PLCB1: variants seen among roughly 807,000 people sequenced by gnomAD.
PLCB1 encodes the protein 1-phosphatidylinositol 4,5-bisphosphate phosphodiesterase beta-1.
A neutral mutation model predicts 161.8 loss-of-function variants in PLCB1; 46 were observed. That is an observed-to-expected ratio of 0.28 (90% CI 0.22 to 0.36). PLCB1 has a LOEUF of 0.36. PLCB1 is among the 10% of genes least tolerant of loss of function. The pLI, the probability that PLCB1 is intolerant of heterozygous loss-of-function variation, is 1.00. For missense variants in PLCB1, 1,016 were observed against 1,472.5 expected (o/e 0.69, Z 5.07); for synonymous variants, 517 against 503.7 (o/e 1.03, Z -0.35).
At chr20:8,770,812 T>A (rs1285943362) in intron 26 of PLCB1, among the ~76,000 whole-genome samples, 1 of 152,234 alleles carries the variant, frequency 6.6e-6, no homozygotes, top group Non-Finnish European at 1.5e-5. Context: ...TTGAATAGAA[T>A]GGGAGGCAGG....
rs531072869 is a variant in PLCB1 at position 8,140,110 on chromosome 20, C to T, written c.99+7360C>T. Reference sequence around the variant, plus strand: ...GCAGCTTACACTTCTTTGGCTTCAACAAAGCTGGTGTTTTGTTTGGACCCC... The same window carrying T: ...GCAGCTTACACTTCTTTGGCTTCAATAAAGCTGGTGTTTTGTTTGGACCCC... On this transcript the variant is annotated intron_variant, in intron 1 of 31. Transcript: ENST00000338037. Among the ~76,000 whole-genome samples the T allele has an allele frequency of 3.9e-5, 6 of 152,254 alleles. No homozygotes were observed. In the East Asian group the frequency reaches 1.2e-3, roughly 29 times the overall value.
intron 23 of PLCB1, among the ~76,000 whole-genome samples, chr20:8,753,966 T>C (rs1444455997): frequency 6.6e-6 from 1 of 152,194 alleles, no homozygotes; most frequent in African/African-American, 2.4e-5. Flanking sequence ...CCTTAGGGGT[T>C]GTGTCCCAAG....
intron 3 of PLCB1, among the ~76,000 whole-genome samples, chr20:8,410,478 C>A (rs1172438346): frequency 6.6e-6 from 1 of 151,728 alleles, no homozygotes; most frequent in Non-Finnish European, 1.5e-5. Context: ...CATGGTAACA[C>A]CTAATAAACG....
intron 23 of PLCB1, among the ~76,000 whole-genome samples, chr20:8,752,862 T>C (rs535861082): frequency 6.6e-6 from 1 of 151,766 alleles, no homozygotes; most frequent in South Asian, 2.1e-4. Context: ...GTATATGTTA[T>C]AGAATCTTAC....
chr20:8,443,780 C>A (rs190705908), intron 3 of PLCB1, among the ~76,000 whole-genome samples: 28 of 152,340 alleles, frequency 1.8e-4, no homozygotes, highest in African/African-American at 6.3e-4. Context: ...CAGCTCCCAA[C>A]AGGCAACCTC....
chr20:8,355,830 G>T (rs1986347383), intron 2 of PLCB1, among the ~76,000 whole-genome samples: 1 of 152,016 alleles, frequency 6.6e-6, no homozygotes, highest in Admixed American at 6.6e-5. Context: ...CACCTTAAAT[G>T]GTTTAATAAT....
chr20:8,422,422 C>T (rs950618883), intron 3 of PLCB1, among the ~76,000 whole-genome samples: 2 of 152,140 alleles, frequency 1.3e-5, no homozygotes, highest in African/African-American at 4.8e-5. Context: ...GCAACTAAAA[C>T]GTATACAGTT....
At chr20:8,201,076 T>A (rs1341635328) in intron 2 of PLCB1, among the ~76,000 whole-genome samples, 3 of 152,146 alleles carry the variant, frequency 2.0e-5, no homozygotes, top group African/African-American at 7.2e-5. Context: ...CTAGGATTAT[T>A]ATTTCTCAGA....
rs181190070 is a variant in PLCB1, at chr20:8,771,901, C to T, written c.2931-2638C>T. On this transcript the variant is annotated intron_variant, in intron 26 of 31. Coordinates refer to ENST00000338037, the MANE Select transcript of PLCB1 (RefSeq NM_015192.4). ...CGTTCCTTCCTTCCTTCCTTCCTTTCGACAGGGTCTTGCTCTTTTGCTCAG... is the reference window on the plus strand; with the variant it reads ...CGTTCCTTCCTTCCTTCCTTCCTTTTGACAGGGTCTTGCTCTTTTGCTCAG... 2.3e-3 allele frequency among the ~76,000 whole-genome samples: 352 copies of T among 151,944 alleles called. 2 individuals carry two copies. Among genetic ancestry groups the T allele is most frequent in the Admixed American group, 0.02 (300 of 15,220 alleles).
intron 31 of PLCB1, among the ~76,000 whole-genome samples, chr20:8,800,860 A>G (rs1984249015): frequency 1.3e-5 from 2 of 152,204 alleles, no homozygotes; most frequent in African/African-American, 2.4e-5. Flanking sequence ...AGACATCTTT[A>G]TAATTGTTGA....
chr20:8,191,085 C>G (rs529625306), intron 2 of PLCB1, among the ~76,000 whole-genome samples: 3 of 152,000 alleles, frequency 2.0e-5, no homozygotes, highest in East Asian at 3.9e-4. Flanking sequence ...AGCTGAATAC[C>G]TTTATGGTTT....
intron 4 of PLCB1, among the ~76,000 whole-genome samples, chr20:8,638,416 G>T (rs1327360634): frequency 2.0e-5 from 3 of 151,816 alleles, no homozygotes; most frequent in Non-Finnish European, 4.4e-5. Context: ...GGTGAGAGAT[G>T]GAATCAGAGA....
intron 2 of PLCB1, among the ~76,000 whole-genome samples, chr20:8,364,538 T>C (rs1986649901): frequency 6.6e-6 from 1 of 152,214 alleles, no homozygotes; most frequent in Non-Finnish European, 1.5e-5. Flanking sequence ...GTTTTCTGGG[T>C]AAAGATGAGT....
intron 2 of PLCB1, among the ~76,000 whole-genome samples, chr20:8,294,564 CTATATG>C (rs901828917): frequency 6.6e-6 from 1 of 151,272 alleles, no homozygotes; most frequent in African/African-American, 2.4e-5. Flanking sequence ...ATCTACATGT[CTATATG>C]TATATGTATC....
intron 10 of PLCB1, among the ~76,000 whole-genome samples, chr20:8,689,959 C>G (rs1028312143): frequency 6.7e-6 from 1 of 149,544 alleles, no homozygotes; most frequent in Admixed American, 6.7e-5. Flanking sequence ...TAATAGCTGT[C>G]TCCAAATTTC....
chr20:8,287,699 C>T (rs575417185), intron 2 of PLCB1, among the ~76,000 whole-genome samples: 10 of 152,258 alleles, frequency 6.6e-5, no homozygotes, highest in Admixed American at 1.3e-4. Flanking sequence ...ATTACCTCAA[C>T]GTCACCTACA....
In PLCB1 at chr20:8,269,364, T is replaced by G. The variant is rs1982158296; in HGVS notation, c.178-102018T>G. Among the ~76,000 whole-genome samples, 7 of 152,298 alleles carry G rather than the reference T, an allele frequency of 4.6e-5. No homozygotes were observed. In the South Asian group the frequency reaches 1.5e-3, roughly 32 times the overall value. On this transcript the variant is annotated intron_variant, in intron 2 of 31. Transcript: ENST00000338037. The stretch of plus-strand genomic sequence containing the variant: ...GTTTTTCGTTCTTGTGTTAGTTTGC[T>G]CAACTTGATTCTCTGTATTCTCATA...
intron 2 of PLCB1, among the ~76,000 whole-genome samples, chr20:8,217,001 C>T (rs929399182): frequency 2.0e-5 from 3 of 152,138 alleles, no homozygotes; most frequent in Non-Finnish European, 4.4e-5. Context: ...TGGCTCACCA[C>T]TGAGGTGCTT....
chr20:8,215,100 G>A (rs1233750141), intron 2 of PLCB1, among the ~76,000 whole-genome samples: 3 of 152,054 alleles, frequency 2.0e-5, no homozygotes, highest in Non-Finnish European at 4.4e-5. Flanking sequence ...GAAGCTGTGT[G>A]TTTACCATGT....
Sources: allele counts gnomAD v4.1 joint callset (sites outside exome capture counted in the v4.1 genomes callset), GRCh38; gene constraint gnomAD v4.1.1; transcripts MANE v1.5; gene names NCBI Gene and HGNC (gene_info 2026-07-23, HGNC 2026-07-21).